PREX1: variants seen among roughly 807,000 people sequenced by gnomAD.
PREX1 encodes phosphatidylinositol-3,4,5-trisphosphate dependent Rac exchange factor 1.
A neutral mutation model predicts 198.3 loss-of-function variants in PREX1; 41 were observed. That is an observed-to-expected ratio of 0.21 (90% CI 0.16 to 0.27). The LOEUF (loss-of-function observed/expected upper bound fraction) is 0.27, where lower values mean the gene tolerates loss of function less well. Among genes scored for constraint, PREX1 ranks in the 10% least tolerant of loss-of-function variants. The probability of loss-of-function intolerance (pLI) is 1.00; values close to 1 mark genes in which losing one functional copy is unlikely to be tolerated. For missense variants in PREX1, 1,620 were observed against 2,200.7 expected (o/e 0.74, Z 5.28); for synonymous variants, 843 against 887.2 (o/e 0.95, Z 0.89).
At chr20:48,698,095 C>T (rs142534639) in intron 7 of PREX1, among the ~76,000 whole-genome samples, 454 of 152,306 alleles carry the variant, frequency 3.0e-3, no homozygotes, top group African/African-American at 0.01. Context: ...GAATGCTGGC[C>T]GCCTGCCAGC....
At chr20:48,656,951 G>A (rs1418849622) in intron 18 of PREX1, 89 bp downstream of exon 18, 53 of 1,439,008 alleles carry the variant, frequency 3.7e-5, no homozygotes, top group Non-Finnish European at 4.7e-5. Flanking sequence ...CAGCCACGGG[G>A]GACCAGGACA....
At chr20:48,801,033 G>C (rs992102547) in intron 1 of PREX1, among the ~76,000 whole-genome samples, 4 of 152,146 alleles carry the variant, frequency 2.6e-5, no homozygotes, top group African/African-American at 9.7e-5. Context: ...GTAACCTTTG[G>C]AGAGTTCCTG....
chr20:48,688,778 C>T lies in PREX1; in HGVS notation c.1213G>A (p.Ala405Thr). The change falls in exon 10 of 40, where the codon GCC (alanine) becomes ACC (threonine). Residue 405 changes from alanine (A) to threonine (T), a missense_variant. By Grantham distance (58) the Ala-to-Thr change is moderately conservative. Transcript: ENST00000371941. ...ESLKLGMERD[A>T]YVMIAEKGEK... ...CCCTTCTCCGCAATCATGACGTAGG[C>T]ATCACGCTCCATGCCCAGCTTCAGG... is the stretch of plus-strand genomic sequence containing the variant. 1 of 1,614,166 alleles carries T rather than the reference C, an allele frequency of 6.2e-7. No homozygotes were observed. The highest frequency in any genetic ancestry group is 8.5e-7 in the Non-Finnish European group (1 of 1,180,026).
rs547905199 is a variant in PREX1, at chr20:48,777,430, A to T, written c.220-29550T>A. Among the ~76,000 whole-genome samples the T allele has an allele frequency of 2.0e-5, 3 of 152,316 alleles. No individual in the cohort carries two copies. The East Asian group carries it at 5.8e-4, about 29-fold the overall frequency. ...CCTTCAGAACTGACCATTACGGTTGATGCTGATCCCATGCCTACCACCCAG... is the reference window on the plus strand; with the variant it reads ...CCTTCAGAACTGACCATTACGGTTGTTGCTGATCCCATGCCTACCACCCAG... On this transcript the variant is annotated intron_variant, in intron 1 of 39. Transcript: ENST00000371941.
intron 1 of PREX1, among the ~76,000 whole-genome samples, chr20:48,797,017 T>C (rs2090365900): frequency 1.3e-5 from 2 of 152,076 alleles, no homozygotes; most frequent in African/African-American, 4.8e-5. Context: ...TTCAGATATA[T>C]CTTATTATAA....
chr20:48,821,692 A>T (rs2090485850), intron 1 of PREX1: 1 of 152,228 alleles, frequency 6.6e-6, no homozygotes, highest in Non-Finnish European at 1.5e-5. Flanking sequence ...AGCAAATAGG[A>T]TGTGGGTTTC....
In PREX1 at chr20:48,641,294, C is replaced by T. The variant is rs111628629; in HGVS notation, c.3775+874G>A. Among the ~76,000 whole-genome samples the T allele has an allele frequency of 4.5e-3, 678 of 152,280 alleles. 3 individuals are homozygous for T. The highest frequency in any genetic ancestry group is 0.016 in the African/African-American group (644 of 41,542). The stretch of plus-strand genomic sequence containing the variant: ...CTTGGCAGGCAACAGTGCCTAACTG[C>T]GGTATAATGATATTTCGTTGCCGTT... On this transcript the variant is annotated intron_variant, in intron 29 of 39. Coordinates refer to ENST00000371941, the MANE Select transcript of PREX1 (RefSeq NM_020820.4).
chr20:48,649,569 C>G lies in PREX1; in HGVS notation c.3036G>C (p.Leu1012=). ...LIGLDPEQGH[L]NPMSYTQHCI... is the part of the protein sequence containing the mutation. Reference sequence around the variant, plus strand: ...AGTGCTGGGTGTACGACATGGGGTTCAGGTGGCCTGCAGTGGAGGAAGAGA... The same window carrying G: ...AGTGCTGGGTGTACGACATGGGGTTGAGGTGGCCTGCAGTGGAGGAAGAGA... Residue 1012 remains leucine, a synonymous_variant, in exon 25 of 40, where the codon CTG becomes CTC. Coordinates refer to ENST00000371941, the MANE Select transcript of PREX1 (RefSeq NM_020820.4). The G allele has an allele frequency of 6.3e-7, 1 of 1,592,916 alleles. No individual in the cohort carries two copies. Among genetic ancestry groups the G allele is most frequent in the South Asian group, 1.1e-5 (1 of 88,878 alleles).
chr20:48,633,053 T>A (rs4810846), intron 33 of PREX1, among the ~76,000 whole-genome samples: 12 of 152,078 alleles, frequency 7.9e-5, no homozygotes, highest in African/African-American at 2.9e-4. Context: ...TCAAACAGGG[T>A]ATACATCTGA....
At position 48,711,886 on chromosome 20, in the gene PREX1, C is replaced by T. The variant is rs570907278; in HGVS notation, c.622-3465G>A. Among the ~76,000 whole-genome samples the T allele has an allele frequency of 2.6e-5, 4 of 152,320 alleles. No individual in the cohort carries two copies. The East Asian group carries it at 5.8e-4, about 22-fold the overall frequency. On this transcript the variant is annotated intron_variant, in intron 5 of 39. Transcript: ENST00000371941. ...AGTTTCCCTTCTCCTTTCCCTCTTC[C>T]TTGGCTGGAATGTGGGCATGGTGCG...
intron 4 of PREX1, 91 bp downstream of exon 4, chr20:48,734,455 A>T: frequency 9.0e-7 from 1 of 1,106,836 alleles, no homozygotes; most frequent in Admixed American, 1.8e-5. Flanking sequence ...AGGATTTGGC[A>T]CCATGGGGCA....
intron 14 of PREX1, among the ~76,000 whole-genome samples, chr20:48,672,058 G>T (rs986009335): frequency 6.6e-6 from 1 of 152,210 alleles, no homozygotes; most frequent in Admixed American, 6.5e-5. Context: ...CAACTCCTCG[G>T]CCAGCACTGG....
At chr20:48,760,056 G>A (rs1243031520) in intron 1 of PREX1, among the ~76,000 whole-genome samples, 1 of 151,694 alleles carries the variant, frequency 6.6e-6, no homozygotes. Flanking sequence ...AGGTTGCAGT[G>A]AGCCAAGATC....
At chr20:48,744,301 C>T (rs1212538542) in intron 3 of PREX1, among the ~76,000 whole-genome samples, 1 of 152,152 alleles carries the variant, frequency 6.6e-6, no homozygotes, top group African/African-American at 2.4e-5. Context: ...GATTGCTTTA[C>T]CTCTGAGTCT....
intron 6 of PREX1, among the ~76,000 whole-genome samples, chr20:48,701,846 T>C (rs1391943585): frequency 6.6e-6 from 1 of 152,176 alleles, no homozygotes; most frequent in Non-Finnish European, 1.5e-5. Context: ...GTTCACTGAA[T>C]GTCAGTGAGG....
At chr20:48,767,421 A>T (rs185141758) in intron 1 of PREX1, among the ~76,000 whole-genome samples, 2 of 152,224 alleles carry the variant, frequency 1.3e-5, no homozygotes, top group African/African-American at 4.8e-5. Context: ...GATGGCTGAG[A>T]GCTGGAAGAT....
At chr20:48,672,517 G>A (rs1164197382) in intron 14 of PREX1, among the ~76,000 whole-genome samples, 2 of 152,366 alleles carry the variant, frequency 1.3e-5, no homozygotes, top group Non-Finnish European at 2.9e-5. Context: ...CCTGTACTCC[G>A]AGCCGGGCAG....
At chr20:48,701,018 A>G in intron 6 of PREX1, 132 bp from the exon 7 acceptor site, 1 of 1,228,436 alleles carries the variant, frequency 8.1e-7, no homozygotes, top group South Asian at 1.4e-5. Context: ...ATGGACAGAA[A>G]ATCAACACAA....
chr20:48,681,961 G>A (rs113636064), intron 10 of PREX1, among the ~76,000 whole-genome samples: 3 of 151,950 alleles, frequency 2.0e-5, no homozygotes, highest in African/African-American at 7.3e-5. Flanking sequence ...GGAGTCAGGC[G>A]AGCTAACAGT....
Sources: allele counts gnomAD v4.1 joint callset (sites outside exome capture counted in the v4.1 genomes callset), GRCh38; gene constraint gnomAD v4.1.1; transcripts MANE v1.5; gene names NCBI Gene and HGNC (gene_info 2026-07-23, HGNC 2026-07-21).